KLHL5: variants seen among roughly 807,000 people sequenced by gnomAD.
The protein encoded by KLHL5 is kelch like family member 5, also known as kelch-like protein 5.
A neutral mutation model predicts 77.7 loss-of-function variants in KLHL5; 48 were observed. That is an observed-to-expected ratio of 0.62 (90% CI 0.49 to 0.79). KLHL5 has a LOEUF of 0.79. KLHL5 is among the 30% of genes least tolerant of loss of function. The probability of loss-of-function intolerance (pLI) is 0.00; values close to 1 mark genes in which losing one functional copy is unlikely to be tolerated. For missense variants in KLHL5, 723 were observed against 859.7 expected (o/e 0.84, Z 1.99); for synonymous variants, 260 against 297.0 (o/e 0.88, Z 1.28).
chr4:39,062,351 A>T lies in KLHL5; in HGVS notation c.-302A>T. On this transcript the variant is annotated 5_prime_UTR_variant, in exon 1 of 11. Transcript: ENST00000504108. ...TCAGTGTTTGTGAGACCTAATGGTC[A>T]GTATGGGAAAGGAGAGCCGGGAAAG... 7.0e-7 allele frequency: 1 copy of T among 1,427,198 alleles called. No individual in the cohort carries two copies. The highest frequency in any genetic ancestry group is 9.1e-7 in the Non-Finnish European group (1 of 1,096,744). The allele number at this position is 1,427,198 out of a possible 1,614,324, so 88.4% of individuals were successfully genotyped here.
In KLHL5 at chr4:39,081,307, T is replaced by C. The variant is rs1560420422; in HGVS notation, c.703+68T>C. The C allele has an allele frequency of 7.2e-7, 1 of 1,387,630 alleles. No homozygotes were observed. The highest frequency in any genetic ancestry group is 9.7e-7 in the Non-Finnish European group (1 of 1,030,510). The allele number at this position is 1,387,630 out of a possible 1,614,324, so 86.0% of individuals were successfully genotyped here. On this transcript the variant is annotated intron_variant, in intron 3 of 10. Transcript: ENST00000504108. This position sits in a 1 kb window ranked among gnomAD's most constrained non-coding sequence, Gnocchi z 4.3. ...GTTGTATTATTAGATTTCAGATTTC[T>C]GTTTTTAGAAAGCATGCCATAGCTA...
rs1178705752 is a variant in KLHL5 at position 39,082,123 on chromosome 4, T to C, written c.864T>C (p.Cys288=). 3 of 1,609,110 alleles carry C rather than the reference T, an allele frequency of 1.9e-6. No homozygotes were observed. The highest frequency in any genetic ancestry group is 1.7e-5 in the Admixed American group (1 of 58,406). The change falls in exon 4 of 11, where the codon TGT becomes TGC. Residue 288 remains cysteine, a synonymous_variant. Coordinates refer to ENST00000504108, the MANE Select transcript of KLHL5 (RefSeq NM_015990.5). The part of the protein sequence containing the change: ...GIRSFADAQG[C]TDLHKVAHNY... ...GTTCTTTTGCTGATGCCCAAGGTTG[T>C]ACAGATTTGCATAAAGTGGCTCACA...
chr4:39,068,585 A>T (rs938998330), intron 1 of KLHL5, among the ~76,000 whole-genome samples: 1 of 152,180 alleles, frequency 6.6e-6, no homozygotes, highest in Non-Finnish European at 1.5e-5. Context: ...AAACAGAAAT[A>T]GGAAGTTATT....
At chr4:39,082,204 A>G in intron 4 of KLHL5, 45 bp downstream of exon 4, 3 of 1,428,386 alleles carry the variant, frequency 2.1e-6, no homozygotes, top group Non-Finnish European at 2.8e-6. Context: ...CCATATGCAT[A>G]TTTCTTATTG....
At chr4:39,115,986 C>T in intron 10 of KLHL5, 1 of 985,640 alleles carries the variant, frequency 1.0e-6, no homozygotes, top group Non-Finnish European at 1.2e-6. Flanking sequence ...AAATGTTTAA[C>T]TGAGCCAAGA....
chr4:39,110,641 A>T (rs898987905), intron 8 of KLHL5, among the ~76,000 whole-genome samples: 24 of 151,972 alleles, frequency 1.6e-4, no homozygotes, highest in Non-Finnish European at 2.6e-4. Flanking sequence ...TTTAAAAAAA[A>T]TTTTTTTGTA....
At chr4:39,045,990 ACT>A (rs1402565989) in intron 1 of KLHL5, among the ~76,000 whole-genome samples, 5 of 148,804 alleles carry the variant, frequency 3.4e-5, no homozygotes, top group African/African-American at 1.2e-4. Flanking sequence ...CAGTTTAATA[ACT>A]CTTTTTGGTT....
rs758479877 is a variant in KLHL5 at position 39,076,119 on chromosome 4, G to A, written c.538G>A (p.Ala180Thr). 6.9e-6 allele frequency: 11 copies of A among 1,604,304 alleles called. No individual in the cohort carries two copies. Among genetic ancestry groups the A allele is most frequent in the African/African-American group, 1.3e-5 (1 of 74,202 alleles). ...HKQLCDVILVAGDRRIPAHRL... is the reference protein window; with the variant it reads ...HKQLCDVILVTGDRRIPAHRL... ...ACAGTTGTGTGATGTAATTTTAGTC[G>A]CTGGTGATCGCAGAATTCCAGCTCA... The change falls in exon 2 of 11, where the codon GCT becomes ACT. Residue 180 changes from alanine to threonine, a missense_variant. Ala to Thr is a moderately conservative substitution (Grantham distance 58). Transcript: ENST00000504108.
At chr4:39,045,434 G>A (rs1327565671) in intron 1 of KLHL5, among the ~76,000 whole-genome samples, 1 of 151,930 alleles carries the variant, frequency 6.6e-6, no homozygotes, top group African/African-American at 2.4e-5. Flanking sequence ...CGGTGCACCC[G>A]TTGCTGCTTT....
At chr4:39,137,184 C>CGTGT in the KLHL5 span, among the ~76,000 whole-genome samples, 2 of 150,880 alleles carry the variant, frequency 1.3e-5, no homozygotes, top group Admixed American at 6.6e-5. Flanking sequence ...CAAATATGTG[C>CGTGT]GTGTGTGTGT....
intron 8 of KLHL5, among the ~76,000 whole-genome samples, chr4:39,109,106 A>G (rs1722255082): frequency 6.6e-6 from 1 of 152,150 alleles, no homozygotes; most frequent in African/African-American, 2.4e-5. Flanking sequence ...TTTGATTTTG[A>G]ATGTATAGTA....
chr4:39,075,466 C>G (rs915020968), intron 1 of KLHL5, among the ~76,000 whole-genome samples: 1 of 151,912 alleles, frequency 6.6e-6, no homozygotes, highest in Non-Finnish European at 1.5e-5. Flanking sequence ...TATAGATTAC[C>G]TGGGCTTTTG....
intron 1 of KLHL5, among the ~76,000 whole-genome samples, chr4:39,052,416 G>A (rs1273574430): frequency 6.6e-6 from 1 of 151,984 alleles, no homozygotes; most frequent in African/African-American, 2.4e-5. Flanking sequence ...CACCACACCT[G>A]GCCCATTTAC....
At chr4:39,057,718 T>TA (rs1717100437), upstream of KLHL5, among the ~76,000 whole-genome samples, 1 of 152,164 alleles carries the variant, frequency 6.6e-6, no homozygotes, top group Non-Finnish European at 1.5e-5. Context: ...GTTAGTATGG[T>TA]AAAATTCTTG....
chr4:39,119,414 T>C (rs189542964), intron 10 of KLHL5, among the ~76,000 whole-genome samples: 326 of 152,242 alleles, frequency 2.1e-3, no homozygotes, highest in African/African-American at 7.2e-3. Flanking sequence ...GGTAAAGCCC[T>C]GTCTCTACTA....
intron 1 of KLHL5, among the ~76,000 whole-genome samples, chr4:39,052,653 A>G (rs1716738156): frequency 6.6e-6 from 1 of 152,198 alleles, no homozygotes; most frequent in Admixed American, 6.5e-5. Context: ...GGAGAATAAG[A>G]GAGGATTTAG....
At chr4:39,066,976 C>T (rs1234979289) in intron 1 of KLHL5, among the ~76,000 whole-genome samples, 3 of 152,146 alleles carry the variant, frequency 2.0e-5, no homozygotes, top group Non-Finnish European at 2.9e-5. Flanking sequence ...ACACTAAGTT[C>T]CTATATACCC....
At position 39,052,930 on chromosome 4, in the gene KLHL5, T is replaced by C. The variant is rs1347674408; in HGVS notation, c.-95+7834T>C. 2.0e-5 allele frequency among the ~76,000 whole-genome samples: 3 copies of C among 152,334 alleles called. No individual in the cohort carries two copies. The East Asian group carries it at 5.8e-4, about 29-fold the overall frequency. On this transcript the variant is annotated intron_variant, in intron 1 of 11. Coordinates refer to the KLHL5 transcript ENST00000261425. The stretch of plus-strand genomic sequence containing the variant: ...ATTTAATCTAATGCATGATTAACAC[T>C]AAGAAATTCTAGCCTCGACTGATCT...
intron 1 of KLHL5, among the ~76,000 whole-genome samples, chr4:39,063,273 A>T (rs2566129): frequency 0.72 from 110,086 of 151,898 alleles, 40,067 homozygotes; most frequent in East Asian, 0.82. Flanking sequence ...TGTTCTATAT[A>T]TAGATCTGGC....
Sources: gnomAD v4.1 joint callset for allele counts (sites outside exome capture counted in the v4.1 genomes callset) on GRCh38, gnomAD v4.1.1 for gene constraint, Gnocchi (gnomAD v3.1) non-coding constraint, MANE v1.5 for transcripts, NCBI Gene and HGNC (gene_info 2026-07-23, HGNC 2026-07-21) for gene names.